The following CAPN15 variants were observed in gnomAD, a reference collection of about 807,000 sequenced individuals.
CAPN15 encodes the protein calpain 15.
Under a neutral mutation model 97.9 loss-of-function variants are expected in CAPN15, and 53 were observed. The ratio of observed to expected loss-of-function variants is 0.54; its 90% CI spans 0.43 to 0.68. The LOEUF (loss-of-function observed/expected upper bound fraction) is 0.68, where lower values mean the gene tolerates loss of function less well. Among genes scored for constraint, CAPN15 ranks in the 30% least tolerant of loss-of-function variants. The probability of loss-of-function intolerance (pLI) is 0.00; values close to 1 mark genes in which losing one functional copy is unlikely to be tolerated. For missense variants in CAPN15, 1,592 were observed against 1,589.8 expected (o/e 1.00, Z -0.02); for synonymous variants, 922 against 722.5 (o/e 1.28, Z -4.43).
At chr16:545,549 G>A (rs746602252) in intron 3 of CAPN15, among the ~76,000 whole-genome samples, 3 of 152,236 alleles carry the variant, frequency 2.0e-5, no homozygotes, top group South Asian at 2.1e-4. Context: ...AAGTGCAGAC[G>A]TCTTCCTGAC....
rs1191853482 is a variant in CAPN15, at chr16:547,269, G to C, written c.431G>C (p.Arg144Thr). 2 of 1,509,836 alleles carry C rather than the reference G, an allele frequency of 1.3e-6. No homozygotes were observed. The highest frequency in any genetic ancestry group is 1.4e-5 in the African/African-American group (1 of 72,682). 93.5% of individuals were successfully genotyped at this position (1,509,836 alleles called of 1,614,324 possible). A position where few individuals can be genotyped will look rare whatever the true frequency, so the allele number is the denominator to read the frequency against. ...QEEEEGAAEP[R>T]GGWACPRCTL... is the part of the protein sequence containing the mutation. ...GAGGAGGAGGGAGCGGCGGAGCCCA[G>C]AGGGGGCTGGGCGTGTCCGCGTTGC... is the stretch of plus-strand genomic sequence containing the variant. Residue 144 changes from arginine to threonine, a missense_variant, in exon 4 of 14, where the codon AGA (arginine) becomes ACA (threonine). Physicochemically the swap from Arg to Thr is moderately conservative, Grantham distance 71. Coordinates refer to ENST00000219611, the MANE Select transcript of CAPN15 (RefSeq NM_005632.3).
intron 1 of CAPN15, among the ~76,000 whole-genome samples, chr16:533,602 C>T (rs1045808538): frequency 6.6e-6 from 1 of 152,170 alleles, no homozygotes; most frequent in South Asian, 2.1e-4. Context: ...CCACGGCCTG[C>T]TCCTTGTAGC....
At chr16:544,645 C>T (rs912155904) in intron 3 of CAPN15, among the ~76,000 whole-genome samples, 3 of 151,764 alleles carry the variant, frequency 2.0e-5, no homozygotes, top group East Asian at 3.9e-4. Flanking sequence ...ACAGTTGCCT[C>T]GATCTTCCAT....
rs1567157582 is a variant in CAPN15 at position 551,039 on chromosome 16, GCCCCGGTCGGTGAGGGT to G, written c.2067-247_2067-231del. Among the ~76,000 whole-genome samples the G allele has an allele frequency of 2.7e-5, 3 of 112,530 alleles. No individual in the cohort carries two copies. In the East Asian group the frequency reaches 7.6e-4, roughly 29 times the overall value. 73.8% of individuals were successfully genotyped at this position (112,530 alleles called of 152,430 possible). On this transcript the variant is annotated intron_variant, in intron 7 of 13. Transcript: ENST00000219611. ...TCGGTGAGGGCCCCGGTCGGTGAGG[GCCCCGGTCGGTGAGGGT>G]CCCCGGTCGGTGAGGTCCCCGGTCG...
intron 1 of CAPN15, among the ~76,000 whole-genome samples, chr16:532,330 A>C (rs1365623198): frequency 1.3e-5 from 2 of 150,488 alleles, no homozygotes; most frequent in Non-Finnish European, 3.0e-5. Context: ...AAGGTGGGTG[A>C]ATCACATGAG....
At position 554,184 on chromosome 16, in the gene CAPN15, C is replaced by G. The variant is rs554085300; in HGVS notation, c.*668C>G. The G allele has an allele frequency of 3.4e-6, 1 of 293,096 alleles. No homozygotes were observed. Among genetic ancestry groups the G allele is most frequent in the Non-Finnish European group, 6.7e-6 (1 of 148,726 alleles). 18.2% of individuals were successfully genotyped at this position (293,096 alleles called of 1,614,324 possible). ...CACCAGTTCTCAGCACCGCTCACTG[C>G]TGCCGGGCACACTGGGACCAGCAGG... On this transcript the variant is annotated 3_prime_UTR_variant, in exon 14 of 14. Transcript: ENST00000219611.
Position 547,973 on chromosome 16 carries a change from A to C in CAPN15, c.1135A>C (p.Thr379Pro), listed in dbSNP as rs1228417195. 1 of 1,582,406 alleles carries C rather than the reference A, an allele frequency of 6.3e-7. No homozygotes were observed. The highest frequency in any genetic ancestry group is 8.6e-7 in the Non-Finnish European group (1 of 1,166,426). Residue 379 changes from threonine to proline, a missense_variant, in exon 4 of 14, where the codon ACC becomes CCC. This residue lies in a region of CAPN15 where 883 missense variants were observed against 776.6 expected (regional missense o/e 1.14). Transcript: ENST00000219611. ...HGFQEHGEPP[T>P]HCPDCGADKP... ...CTTCCAGGAGCATGGCGAGCCCCCC[A>C]CCCACTGCCCCGACTGTGGGGCCGA...
rs546194992 is a variant in CAPN15, at chr16:551,756, T to G, written c.2345+92T>G. On this transcript the variant is annotated intron_variant, in intron 9 of 13. Transcript: ENST00000219611. ...AACAAGCCTGTCCCTCCTGCTGACC[T>G]GGGGTGGGGCGGCTTGTTCGTGGCC... The G allele has an allele frequency of 1.2e-4, 184 of 1,514,892 alleles. No homozygotes were observed. In the African/African-American group the frequency reaches 2.3e-3, roughly 19 times the overall value. The allele number at this position is 1,514,892 out of a possible 1,614,324, so 93.8% of individuals were successfully genotyped here. A position where few individuals can be genotyped will look rare whatever the true frequency, so the allele number is the denominator to read the frequency against.
intron 3 of CAPN15, chr16:540,501 C>T: frequency 3.0e-6 from 1 of 331,752 alleles, no homozygotes; most frequent in Non-Finnish European, 4.3e-6. Context: ...TGGCAGCTCT[C>T]TTCCCCAGGG....
At chr16:546,688 C>G (rs2034606252) in intron 3 of CAPN15, 129 bp from the exon 4 acceptor site, 2 of 1,264,942 alleles carry the variant, frequency 1.6e-6, no homozygotes, top group African/African-American at 1.5e-5. Flanking sequence ...GCCTCAAATG[C>G]TCAGCCCTAG....
At chr16:529,837 G>A (rs903291765) in intron 1 of CAPN15, among the ~76,000 whole-genome samples, 5 of 152,212 alleles carry the variant, frequency 3.3e-5, no homozygotes, top group Admixed American at 1.3e-4. Flanking sequence ...GCCCTGGACC[G>A]TGAGGCTGAA....
In CAPN15 at chr16:554,577, C is replaced by T. The variant is rs1319236633; in HGVS notation, c.*1061C>T. 6 of 456,132 alleles carry T rather than the reference C, an allele frequency of 1.3e-5. No individual in the cohort carries two copies. Among genetic ancestry groups the T allele is most frequent in the South Asian group, 7.7e-5 (5 of 64,568 alleles). 28.3% of individuals were successfully genotyped at this position (456,132 alleles called of 1,614,324 possible). A position where few individuals can be genotyped will look rare whatever the true frequency, so the allele number is the denominator to read the frequency against. ...AGTCCCGTTCCTTTACCATAGGATTCTCCACAGTGGCTTCCGACTCAGGCT... is the reference window on the plus strand; with the variant it reads ...AGTCCCGTTCCTTTACCATAGGATTTTCCACAGTGGCTTCCGACTCAGGCT... On this transcript the variant is annotated 3_prime_UTR_variant, in exon 14 of 14. Transcript: ENST00000219611.
At chr16:533,839 C>T (rs995337312) in intron 1 of CAPN15, 107 bp from the exon 2 acceptor site, 23 of 436,520 alleles carry the variant, frequency 5.3e-5, no homozygotes, top group African/African-American at 2.6e-4. Context: ...GCTGATTTCC[C>T]GGGACTCTGG....
At chr16:550,798 G>C (rs866663445) in intron 7 of CAPN15, among the ~76,000 whole-genome samples, 10 of 6,928 alleles carry the variant, frequency 1.4e-3, no homozygotes, top group South Asian at 4.1e-3. Context: ...TGAGGGTCCC[G>C]GTCGGTGAGG....
Position 549,269 on chromosome 16 carries a change from AC to A in CAPN15, c.1659-16del. 1 of 1,569,472 alleles carries A rather than the reference AC, an allele frequency of 6.4e-7. No individual in the cohort carries two copies. Among genetic ancestry groups the A allele is most frequent in the Non-Finnish European group, 8.6e-7 (1 of 1,163,702 alleles). On this transcript the variant is annotated intron_variant, in intron 5 of 13. Coordinates refer to ENST00000219611, the MANE Select transcript of CAPN15 (RefSeq NM_005632.3). ...GACCGGCCGCGGTCCCCGCGAGGTC[AC>A]CCTGAGGCTCTGCGCAGGTTCCTGA...
chr16:549,942 G>C (rs1363769604), intron 7 of CAPN15, 104 bp downstream of exon 7: 1 of 972,510 alleles, frequency 1.0e-6, no homozygotes, highest in Non-Finnish European at 1.6e-6. Context: ...CTGCTTCCAC[G>C]AGGTGCCCCT....
At chr16:534,227 C>T (rs1236248658) in intron 2 of CAPN15, among the ~76,000 whole-genome samples, 1 of 152,226 alleles carries the variant, frequency 6.6e-6, no homozygotes, top group African/African-American at 2.4e-5. Flanking sequence ...GCCCGGGGTC[C>T]CGACAGGGGT....
At chr16:550,913 GTCAGTGAGGGTCCCCTT>G (rs2034988527) in intron 7 of CAPN15, among the ~76,000 whole-genome samples, 1 of 120,160 alleles carries the variant, frequency 8.3e-6, no homozygotes, top group African/African-American at 4.2e-5. Flanking sequence ...GAGGGTCCCG[GTCAGTGAGGGTCCCCTT>G]TCGGTGAGGG....
chr16:551,553 A>G lies in CAPN15; in HGVS notation c.2234A>G (p.Asn745Ser). 1 of 1,611,666 alleles carries G rather than the reference A, an allele frequency of 6.2e-7. No homozygotes were observed. Among genetic ancestry groups the G allele is most frequent in the Middle Eastern group, 1.6e-4 (1 of 6,062 alleles). ...LRNPWGRFSW[N>S]GSWSDEWPHW... ...AACCCGTGGGGCCGTTTCTCCTGGAACGGCAGCTGGTCCGACGAGTGGCCA... is the reference window on the plus strand; with the variant it reads ...AACCCGTGGGGCCGTTTCTCCTGGAGCGGCAGCTGGTCCGACGAGTGGCCA... Residue 745 changes from asparagine (N) to serine (S), a missense_variant, in exon 9 of 14, where the codon AAC (asparagine) becomes AGC (serine). Asn to Ser is a conservative substitution (Grantham distance 46). This residue lies in a region of CAPN15 where 644 missense variants were observed against 699.6 expected (regional missense o/e 0.92). Coordinates refer to ENST00000219611, the MANE Select transcript of CAPN15 (RefSeq NM_005632.3).
Sources: gnomAD v4.1 joint callset for allele counts (sites outside exome capture counted in the v4.1 genomes callset) on GRCh38, gnomAD v4.1.1 for gene constraint, gnomAD v4.1.1 regional missense constraint, MANE v1.5 for transcripts, NCBI Gene and HGNC (gene_info 2026-07-23, HGNC 2026-07-21) for gene names.